The following CCDC171 variants were observed in gnomAD, a reference collection of about 807,000 sequenced individuals.
CCDC171 encodes coiled-coil domain-containing protein 171.
Under a neutral mutation model 168.2 loss-of-function variants are expected in CCDC171, and 177 were observed. The ratio of observed to expected loss-of-function variants is 1.05; its 90% CI spans 0.93 to 1.19. CCDC171 has a LOEUF of 1.19. CCDC171 is among the 50% of genes most tolerant of loss of function. The probability of loss-of-function intolerance (pLI) is 0.00; values close to 1 mark genes in which losing one functional copy is unlikely to be tolerated. For synonymous variants in CCDC171, 687 were observed against 540.8 expected, an observed-to-expected ratio of 1.27 and a Z score of -3.75; for missense variants, 1,991 against 1,539.0, an observed-to-expected ratio of 1.29 and a Z score of -4.91.
chr9:15,808,542 C>T (rs895326203), intron 21 of CCDC171, among the ~76,000 whole-genome samples: 5 of 152,156 alleles, frequency 3.3e-5, no homozygotes, highest in Non-Finnish European at 5.9e-5. Context: ...AGTGAATGGT[C>T]ATATAATTTA....
At chr9:16,106,593 G>C in the CCDC171 span, among the ~76,000 whole-genome samples, 2 of 152,288 alleles carry the variant, frequency 1.3e-5, no homozygotes, top group South Asian at 2.1e-4. Context: ...GATAAACAGT[G>C]AATTCCAGAA....
At position 15,946,021 on chromosome 9, in the gene CCDC171, G is replaced by A. The variant is rs10810493; in HGVS notation, c.3754-25588G>A. Reference sequence around the variant, plus strand: ...TGGTTTTTATGGTTTTAGGTCTATCGTTTAAGTCTTTAATCCATCTTGAAT... The same window carrying A: ...TGGTTTTTATGGTTTTAGGTCTATCATTTAAGTCTTTAATCCATCTTGAAT... On this transcript the variant is annotated intron_variant, in intron 25 of 25. Transcript: ENST00000380701. Among the ~76,000 whole-genome samples, 154 of 150,818 alleles carry A rather than the reference G, an allele frequency of 1.0e-3. 1 individual carries two copies. The highest frequency in any genetic ancestry group is 3.6e-3 in the African/African-American group (149 of 41,340).
intron 24 of CCDC171, among the ~76,000 whole-genome samples, chr9:15,887,203 T>C (rs940186625): frequency 6.6e-6 from 1 of 152,310 alleles, no homozygotes; most frequent in South Asian, 2.1e-4. Context: ...AGTATATATA[T>C]ATTAAATAAT....
intron 21 of CCDC171, among the ~76,000 whole-genome samples, chr9:15,831,199 CCTAACCTT>C: frequency 1.3e-5 from 2 of 151,872 alleles, no homozygotes; most frequent in Non-Finnish European, 2.9e-5. Flanking sequence ...GTCTCGAACT[CCTAACCTT>C]GTGATCCGGC....
rs144845854 is a variant in CCDC171, at chr9:15,555,124, C to T, written c.-112+1822C>T. On this transcript the variant is annotated intron_variant, in intron 1 of 25. Transcript: ENST00000380701. The stretch of plus-strand genomic sequence containing the variant: ...AGTAGATTCGCCTTTCTGGCTGGCA[C>T]CTCCTCTCAGGATGTCGGGATCACT... 2.9e-3 allele frequency among the ~76,000 whole-genome samples: 436 copies of T among 152,226 alleles called. 1 individual carries two copies. The highest frequency in any genetic ancestry group is 4.4e-3 in the Non-Finnish European group (302 of 67,976).
At chr9:15,575,908 A>G (rs868162751) in intron 3 of CCDC171, among the ~76,000 whole-genome samples, 44 of 152,150 alleles carry the variant, frequency 2.9e-4, no homozygotes, top group Admixed American at 3.9e-4. Context: ...CCTGGCCAAC[A>G]TGGCGAAACC....
chr9:15,562,278 C>T (rs200198370), intron 1 of CCDC171, among the ~76,000 whole-genome samples: 1 of 151,948 alleles, frequency 6.6e-6, no homozygotes, highest in African/African-American at 2.4e-5. Flanking sequence ...ACAGGTGTGA[C>T]CCACCGCGCC....
intron 24 of CCDC171, among the ~76,000 whole-genome samples, chr9:15,914,764 G>C (rs1285063014): frequency 3.3e-5 from 5 of 152,060 alleles, no homozygotes; most frequent in Admixed American, 6.6e-5. Context: ...TTGAAACTCA[G>C]GGCCCTTGTG....
chr9:15,995,883 T>A (rs1443228381), intron 3 of CCDC171, among the ~76,000 whole-genome samples: 1 of 152,212 alleles, frequency 6.6e-6, no homozygotes. Context: ...ATGGGGTAGA[T>A]CCACTCTTTC....
rs147678679 is a variant in CCDC171, at chr9:15,686,279, T to G, written c.1215+7383T>G. Among the ~76,000 whole-genome samples the G allele has an allele frequency of 5.8e-4, 88 of 152,314 alleles. 2 individuals carry two copies. In the East Asian group the frequency reaches 0.015, roughly 27 times the overall value. On this transcript the variant is annotated intron_variant, in intron 10 of 25. Transcript: ENST00000380701. ...ATTTTGGAGGCATATTGATCTGGGT[T>G]TTAATCCCAGACCCTATCTCATTTT... is the stretch of plus-strand genomic sequence containing the variant.
At chr9:15,966,883 A>ATG (rs1160726193) in intron 25 of CCDC171, among the ~76,000 whole-genome samples, 53 of 149,712 alleles carry the variant, frequency 3.5e-4, no homozygotes, top group African/African-American at 1.2e-3. Context: ...ATGATAGCAG[A>ATG]TGTGTGTGTG....
At chr9:15,608,770 A>T (rs2043408334) in intron 6 of CCDC171, among the ~76,000 whole-genome samples, 1 of 149,372 alleles carries the variant, frequency 6.7e-6, no homozygotes, top group Non-Finnish European at 1.5e-5. Context: ...TGGGCAACAG[A>T]GACACTCTCT....
chr9:15,840,394 A>G (rs2060628033), intron 21 of CCDC171, among the ~76,000 whole-genome samples: 1 of 152,088 alleles, frequency 6.6e-6, no homozygotes, highest in South Asian at 2.1e-4. Flanking sequence ...GAATTCAGCA[A>G]TTTTTTGGAC....
At chr9:15,953,679 T>C (rs1345674869) in intron 25 of CCDC171, among the ~76,000 whole-genome samples, 1 of 152,188 alleles carries the variant, frequency 6.6e-6, no homozygotes, top group Non-Finnish European at 1.5e-5. Context: ...AACAGGATAA[T>C]GCTGGCCTCA....
At chr9:15,835,083 T>G (rs917161327) in intron 21 of CCDC171, among the ~76,000 whole-genome samples, 63 of 152,184 alleles carry the variant, frequency 4.1e-4, no homozygotes, top group Non-Finnish European at 6.8e-4. Context: ...ACAGGCAACT[T>G]TAATTGGGGA....
In CCDC171 at chr9:15,734,780, A is replaced by ATT. The variant is rs552497190; in HGVS notation, c.2049+4985_2049+4986dup. Among the ~76,000 whole-genome samples the ATT allele has an allele frequency of 7.3e-4, 111 of 152,216 alleles. 1 individual carries two copies. The East Asian group carries it at 0.02, about 27-fold the overall frequency. On this transcript the variant is annotated intron_variant, in intron 16 of 25. Transcript: ENST00000380701. ...AGTGCAATGCAAATAAAAAATTTTC[A>ATT]TTTTACATTACTTAATACATTTTCA... is the stretch of plus-strand genomic sequence containing the variant.
In CCDC171 at chr9:15,724,896, T is replaced by C; in HGVS notation, c.1612T>C (p.Trp538Arg). Residue 538 changes from tryptophan (W) to arginine (R), a missense_variant, in exon 14 of 26, where the codon TGG becomes CGG. Coordinates refer to ENST00000380701, the MANE Select transcript of CCDC171 (RefSeq NM_173550.4). ...KVELQNVLHC[W>R]EKEKAQAAQS... is the part of the protein sequence containing the mutation. ...GGAACTACAAAATGTGCTGCACTGT[T>C]GGGAGAAAGAAAAGGCTCAGGCAGC... The C allele has an allele frequency of 6.2e-7, 1 of 1,613,974 alleles. No individual in the cohort carries two copies. The highest frequency in any genetic ancestry group is 2.2e-5 in the East Asian group (1 of 44,860).
intron 3 of CCDC171, among the ~76,000 whole-genome samples, chr9:16,008,557 A>G (rs1323290376): frequency 6.6e-6 from 1 of 152,064 alleles, no homozygotes; most frequent in Non-Finnish European, 1.5e-5. Flanking sequence ...TAGGCGTCTC[A>G]TGGATCCATC....
chr9:15,637,531 C>T (rs1180193562), intron 7 of CCDC171, among the ~76,000 whole-genome samples: 1 of 151,454 alleles, frequency 6.6e-6, no homozygotes, highest in Non-Finnish European at 1.5e-5. Context: ...CGGTTAGTTA[C>T]ATATGTATAC....
Sources: gnomAD v4.1 joint callset for allele counts (sites outside exome capture counted in the v4.1 genomes callset) on GRCh38, gnomAD v4.1.1 for gene constraint, MANE v1.5 for transcripts, NCBI Gene and HGNC (gene_info 2026-07-23, HGNC 2026-07-21) for gene names.